The following TRMT11 variants were observed in gnomAD, a reference collection of about 807,000 sequenced individuals.
TRMT11 encodes tRNA methyltransferase 11, also known as tRNA (guanine(10)-N(2))-methyltransferase TRMT11.
Under a neutral mutation model 62.8 loss-of-function variants are expected in TRMT11, and 53 were observed. That is an observed-to-expected ratio of 0.84 (90% confidence interval 0.68 to 1.06). The LOEUF (loss-of-function observed/expected upper bound fraction) is 1.06, where lower values mean the gene tolerates loss of function less well. TRMT11 is among the 50% of genes least tolerant of loss of function. The pLI, the probability that TRMT11 is intolerant of heterozygous loss-of-function variation, is 0.00. For synonymous variants in TRMT11, 188 were observed against 190.3 expected, an observed-to-expected ratio of 0.99 and a Z score of 0.10; for missense variants, 556 against 553.4, an observed-to-expected ratio of 1.00 and a Z score of -0.05.
At chr6:126,218,447 G>T in the TRMT11 span, among the ~76,000 whole-genome samples, 4 of 152,190 alleles carry the variant, frequency 2.6e-5, no homozygotes, top group Admixed American at 2.0e-4. Context: ...GTTGAATCCT[G>T]TCAGGACTGG....
chr6:126,263,058 C>A, the TRMT11 span, among the ~76,000 whole-genome samples: 2 of 152,006 alleles, frequency 1.3e-5, no homozygotes, highest in Non-Finnish European at 2.9e-5. Context: ...TTACCCTCTT[C>A]CTATTCTCTT....
chr6:126,159,649 AG>A (rs1354160132), intron 21 of TRMT11, among the ~76,000 whole-genome samples: 52 of 152,354 alleles, frequency 3.4e-4, no homozygotes, highest in African/African-American at 1.3e-3. Flanking sequence ...ATTATTACAA[AG>A]TAAGAGGCTT....
chr6:125,994,047 G>A (rs904903622), intron 2 of TRMT11, among the ~76,000 whole-genome samples: 3 of 152,144 alleles, frequency 2.0e-5, no homozygotes, highest in African/African-American at 7.2e-5. Context: ...CAACAGTTGT[G>A]TCATAATTTG....
chr6:126,092,987 G>C (rs1336568797), intron 17 of TRMT11, among the ~76,000 whole-genome samples: 1 of 152,178 alleles, frequency 6.6e-6, no homozygotes, highest in Non-Finnish European at 1.5e-5. Context: ...CTTGTTCAAA[G>C]TTCTTAAGTG....
the TRMT11 span, among the ~76,000 whole-genome samples, chr6:126,253,536 A>T: frequency 6.6e-6 from 1 of 151,400 alleles, no homozygotes; most frequent in South Asian, 2.1e-4. Context: ...TAGTAGTACA[A>T]TAGTTTGTTT....
intron 16 of TRMT11, among the ~76,000 whole-genome samples, chr6:126,052,269 C>G (rs1776241454): frequency 6.6e-6 from 1 of 152,114 alleles, no homozygotes; most frequent in African/African-American, 2.4e-5. Flanking sequence ...TTAGTTGTCT[C>G]TAAGAAAAAC....
the TRMT11 span, among the ~76,000 whole-genome samples, chr6:126,240,381 G>T: frequency 6.6e-6 from 1 of 152,246 alleles, no homozygotes; most frequent in East Asian, 1.9e-4. Flanking sequence ...GTACAGATGG[G>T]TTTTTGGTGT....
intron 3 of TRMT11, among the ~76,000 whole-genome samples, chr6:125,996,642 G>T (rs1791569617): frequency 6.6e-6 from 1 of 151,310 alleles, no homozygotes; most frequent in Non-Finnish European, 1.5e-5. Flanking sequence ...CATCAGATTT[G>T]AAAATTAAAC....
At chr6:126,060,535 A>G (rs534308178) in intron 17 of TRMT11, among the ~76,000 whole-genome samples, 8 of 152,174 alleles carry the variant, frequency 5.3e-5, no homozygotes, top group Non-Finnish European at 7.3e-5. Context: ...AGAATAGTCC[A>G]TTCACGAATG....
intron 9 of TRMT11, 112 bp from the exon 10 acceptor site, chr6:126,012,659 G>A (rs997344128): frequency 5.8e-6 from 4 of 688,162 alleles, no homozygotes; most frequent in Non-Finnish European, 1.0e-5. Context: ...TTGTGCATTG[G>A]TGATGTTGTG....
chr6:126,248,798 G>A, the TRMT11 span, among the ~76,000 whole-genome samples: 3 of 152,022 alleles, frequency 2.0e-5, no homozygotes, highest in African/African-American at 7.2e-5. Context: ...ACAAACAGTA[G>A]CAATAAGTAA....
At chr6:126,265,954 C>G in the TRMT11 span, among the ~76,000 whole-genome samples, 10 of 152,138 alleles carry the variant, frequency 6.6e-5, no homozygotes, top group African/African-American at 2.4e-4. Flanking sequence ...CATCCATGTT[C>G]CTATAAACCC....
chr6:126,073,749 G>C (rs753988795), intron 17 of TRMT11, among the ~76,000 whole-genome samples: 1 of 151,954 alleles, frequency 6.6e-6, no homozygotes, highest in Non-Finnish European at 1.5e-5. Flanking sequence ...GTCTTAGGGA[G>C]GACTCTGTTT....
chr6:126,230,679 A>AG, the TRMT11 span, among the ~76,000 whole-genome samples: 1 of 152,196 alleles, frequency 6.6e-6, no homozygotes, highest in Non-Finnish European at 1.5e-5. Flanking sequence ...TTTTACTAGG[A>AG]GGAGAAGATA....
chr6:126,250,288 G>A, the TRMT11 span, among the ~76,000 whole-genome samples: 1 of 151,980 alleles, frequency 6.6e-6, no homozygotes. Context: ...GAATTGCAGG[G>A]GAACTCTCTC....
intron 17 of TRMT11, among the ~76,000 whole-genome samples, chr6:126,098,051 T>C (rs1777359137): frequency 1.3e-5 from 2 of 152,188 alleles, no homozygotes. Flanking sequence ...TGGTCTAGCC[T>C]GGAGTTTCCC....
intron 12 of TRMT11, among the ~76,000 whole-genome samples, chr6:126,031,670 G>A (rs1251553510): frequency 6.6e-6 from 1 of 152,150 alleles, no homozygotes; most frequent in Non-Finnish European, 1.5e-5. Context: ...CAGTGGGGGA[G>A]GATCAGCTGG....
the TRMT11 span, chr6:126,258,358 T>C: frequency 2.7e-6 from 1 of 373,242 alleles, no homozygotes; most frequent in South Asian, 2.1e-5. Context: ...GCCAGGGCCA[T>C]GTACGTGCAT....
chr6:126,156,273 C>T (rs1346591600), intron 21 of TRMT11, among the ~76,000 whole-genome samples: 1 of 152,190 alleles, frequency 6.6e-6, no homozygotes, highest in Non-Finnish European at 1.5e-5. Flanking sequence ...GGAGGACCCC[C>T]TCCCACAGCT....
Sources: gnomAD v4.1 joint callset for allele counts (sites outside exome capture counted in the v4.1 genomes callset) on GRCh38, gnomAD v4.1.1 for gene constraint, MANE v1.5 for transcripts, NCBI Gene and HGNC (gene_info 2026-07-23, HGNC 2026-07-21) for gene names.